RASGRP2: variants seen among roughly 807,000 people sequenced by gnomAD.
RASGRP2 encodes RAS guanyl releasing protein 2.
Under a neutral mutation model 71.0 loss-of-function variants are expected in RASGRP2, and 44 were observed. The observed-to-expected ratio is 0.62, with a 90% CI of 0.49 to 0.80. The LOEUF (loss-of-function observed/expected upper bound fraction) is 0.80, where lower values mean the gene tolerates loss of function less well. Ranked by LOEUF, RASGRP2 falls within the 30% of genes least tolerant of loss-of-function variation. The pLI, the probability that RASGRP2 is intolerant of heterozygous loss-of-function variation, is 0.00. For synonymous variants in RASGRP2, 350 were observed against 330.7 expected (o/e 1.06, Z -0.63); for missense variants, 663 against 813.4 (o/e 0.82, Z 2.25).
chr11:64,729,729 T>C (rs1160831849), intron 14 of RASGRP2, 33 bp downstream of exon 14: 1 of 1,609,488 alleles, frequency 6.2e-7, no homozygotes, highest in Non-Finnish European at 8.5e-7. Flanking sequence ...AAAAAAACAC[T>C]GCCCAGCAGC....
At chr11:64,734,258 G>T (rs1311472959) in intron 12 of RASGRP2, among the ~76,000 whole-genome samples, 1 of 151,706 alleles carries the variant, frequency 6.6e-6, no homozygotes, top group African/African-American at 2.4e-5. Context: ...GTTGCAGCGA[G>T]CCGAGATTGT....
chr11:64,731,371 AAAAAG>A (rs913949998), intron 12 of RASGRP2, among the ~76,000 whole-genome samples: 3 of 151,814 alleles, frequency 2.0e-5, no homozygotes, highest in African/African-American at 4.8e-5. Context: ...AAAAAAAAAA[AAAAAG>A]AAAAGATATA....
intron 14 of RASGRP2, 107 bp downstream of exon 14, chr11:64,729,655 G>A (rs2057695301): frequency 1.5e-6 from 2 of 1,375,624 alleles, no homozygotes; most frequent in African/African-American, 1.4e-5. Context: ...CTGATTTTAA[G>A]GTACTTCACT....
intron 14 of RASGRP2, 53 bp downstream of exon 14, chr11:64,729,709 C>G (rs1267728796): frequency 1.9e-6 from 3 of 1,592,462 alleles, no homozygotes; most frequent in East Asian, 4.5e-5. Flanking sequence ...CCCAAACAAA[C>G]AAACAAAAAA....
Position 64,735,278 on chromosome 11 carries a change from G to C in RASGRP2, c.1297-51C>G. ...AGCCAGAAGAGGGGAGAGTAAAGGG[G>C]ACATCAGGTCCTGTCCCTTCCCACG... On this transcript the variant is annotated intron_variant, in intron 11 of 16. Transcript: ENST00000394432. The surrounding 1 kb of genome is among the most constrained non-coding windows in gnomAD (Gnocchi z 4.2). 6.8e-7 allele frequency: 1 copy of C among 1,465,084 alleles called. No homozygotes were observed. Among genetic ancestry groups the C allele is most frequent in the Non-Finnish European group, 9.6e-7 (1 of 1,045,648 alleles). The allele number at this position is 1,465,084 out of a possible 1,614,324, so 90.8% of individuals were successfully genotyped here.
chr11:64,728,835 A>T, intron 15 of RASGRP2, 28 bp downstream of exon 15: 2 of 1,570,152 alleles, frequency 1.3e-6, no homozygotes, highest in Non-Finnish European at 1.7e-6. Flanking sequence ...TTCCCTCCAC[A>T]GGCCAGTACA....
At chr11:64,728,729 G>T in intron 15 of RASGRP2, 134 bp downstream of exon 15, 1 of 1,050,522 alleles carries the variant, frequency 9.5e-7, no homozygotes, top group Non-Finnish European at 1.3e-6. Flanking sequence ...CACCGCGCCC[G>T]GCCTGTCCCT....
At chr11:64,744,884 CGCGCCA>C (rs1478678199), upstream of RASGRP2, 1 of 145,526 alleles carries the variant, frequency 6.9e-6, no homozygotes, top group Non-Finnish European at 1.5e-5. Flanking sequence ...CCCCCGCCCC[CGCGCCA>C]GGCTGCCCCC....
chr11:64,742,767 C>A lies in RASGRP2; in HGVS notation c.73+27G>T. The A allele has an allele frequency of 1.3e-6, 2 of 1,588,978 alleles. No individual in the cohort carries two copies. The highest frequency in any genetic ancestry group is 1.7e-6 in the Non-Finnish European group (2 of 1,169,034). On this transcript the variant is annotated intron_variant, in intron 2 of 16. Transcript: ENST00000394432. The surrounding 1 kb of genome is among the most constrained non-coding windows in gnomAD (Gnocchi z 4.7). ...GCTCAGACTCGGGGCTAGGCTCAGG[C>A]TCCGTGTGCCCTCCCGAGCCACTCA...
rs1565494571 is a variant in RASGRP2 at position 64,726,987 on chromosome 11, A to G, written c.*151T>C. 1.0e-5 allele frequency: 4 copies of G among 398,234 alleles called. No individual in the cohort carries two copies. The highest frequency in any genetic ancestry group is 1.4e-5 in the Non-Finnish European group (3 of 208,774). The allele number at this position is 398,234 out of a possible 1,614,324, so 24.7% of individuals were successfully genotyped here. ...CACAAGAGTCTGTACAACCTTAGGG[A>G]CACCAGCCCTGGCCCTGCCCTCAGC... On this transcript the variant is annotated 3_prime_UTR_variant, in exon 17 of 17. Transcript: ENST00000394432.
At chr11:64,744,840 T>C (rs1246799025), upstream of RASGRP2, 1 of 141,260 alleles carries the variant, frequency 7.1e-6, no homozygotes, top group Non-Finnish European at 1.6e-5. Context: ...TCCCGCCCGC[T>C]CTCCACGCCG....
At position 64,735,507 on chromosome 11, in the gene RASGRP2, TC is replaced by T. The variant is rs772302182; in HGVS notation, c.1296+34del. 4 of 1,613,322 alleles carry T rather than the reference TC, an allele frequency of 2.5e-6. No homozygotes were observed. The highest frequency in any genetic ancestry group is 2.5e-6 in the Non-Finnish European group (3 of 1,180,016). On this transcript the variant is annotated intron_variant, in intron 11 of 16. Coordinates refer to ENST00000394432, the MANE Select transcript of RASGRP2 (RefSeq NM_001098671.2). The surrounding 1 kb of genome is among the most constrained non-coding windows in gnomAD (Gnocchi z 4.2). ...GGCAGTGCTCCGGCAAACTGGCCTC[TC>T]CCCACACACTGCTCAGGCTCCGCAG... is the stretch of plus-strand genomic sequence containing the variant.
At chr11:64,729,456 C>T (rs1274220783) in intron 14 of RASGRP2, among the ~76,000 whole-genome samples, 1 of 151,986 alleles carries the variant, frequency 6.6e-6, no homozygotes, top group Non-Finnish European at 1.5e-5. Flanking sequence ...CATGCCTCAG[C>T]CTCCCAAGTA....
chr11:64,732,578 G>A (rs2135742122), intron 12 of RASGRP2, among the ~76,000 whole-genome samples: 1 of 152,300 alleles, frequency 6.6e-6, no homozygotes, highest in African/African-American at 2.4e-5. Flanking sequence ...TGGATCACGA[G>A]GTCTGGAGGT....
intron 12 of RASGRP2, among the ~76,000 whole-genome samples, chr11:64,731,359 GAAA>G (rs542490938): frequency 1.1e-5 from 1 of 89,964 alleles, no homozygotes; most frequent in Admixed American, 1.3e-4. Flanking sequence ...CCCTGTCTCA[GAAA>G]AAAAAAAAAA....
chr11:64,742,761 C>A lies in RASGRP2; in HGVS notation c.73+33G>T. 6.3e-7 allele frequency: 1 copy of A among 1,584,852 alleles called. No homozygotes were observed. The highest frequency in any genetic ancestry group is 8.6e-7 in the Non-Finnish European group (1 of 1,166,726). On this transcript the variant is annotated intron_variant, in intron 2 of 16. Coordinates refer to ENST00000394432, the MANE Select transcript of RASGRP2 (RefSeq NM_001098671.2). This position sits in a 1 kb window ranked among gnomAD's most constrained non-coding sequence, Gnocchi z 4.7. ...ACCCGGGCTCAGACTCGGGGCTAGG[C>A]TCAGGCTCCGTGTGCCCTCCCGAGC...
In RASGRP2 at chr11:64,743,651, C is replaced by A; in HGVS notation, c.-72+352G>T. 1 of 419,732 alleles carries A rather than the reference C, an allele frequency of 2.4e-6. No individual in the cohort carries two copies. Among genetic ancestry groups the A allele is most frequent in the Non-Finnish European group, 4.7e-6 (1 of 211,378 alleles). 26.0% of individuals were successfully genotyped at this position (419,732 alleles called of 1,614,324 possible). On this transcript the variant is annotated intron_variant, in intron 1 of 16. Coordinates refer to ENST00000394432, the MANE Select transcript of RASGRP2 (RefSeq NM_001098671.2). The surrounding 1 kb of genome is among the most constrained non-coding windows in gnomAD (Gnocchi z 4.9). ...GGTCCCGGCTCAGCTTGTCCACAGG[C>A]CCTCTTCCTCCCTATCCCCGGCTCC...
In RASGRP2 at chr11:64,736,754, G is replaced by A. The variant is rs780100580; in HGVS notation, c.1094C>T (p.Thr365Met). 1.5e-5 allele frequency: 23 copies of A among 1,582,054 alleles called. No individual in the cohort carries two copies. The highest frequency in any genetic ancestry group is 9.4e-5 in the African/African-American group (7 of 74,190). The change falls in exon 9 of 17, where the codon ACG becomes ATG. Residue 365 changes from threonine to methionine, a missense_variant and splice_region_variant. Thr to Met is a moderately conservative substitution (Grantham distance 81). Coordinates refer to ENST00000394432, the MANE Select transcript of RASGRP2 (RefSeq NM_001098671.2). ...ACCTCCCTGCCCCCTGCTCCTCACC[G>A]TGAGCAGGCTCAGCAGGTCGGGGTT... The part of the protein sequence containing the change: ...QANPDLLSLL[T>M]VSLDQYQTED...
rs1407285647 is a variant in RASGRP2, at chr11:64,742,130, A to C, written c.74-18T>G. On this transcript the variant is annotated intron_variant, in intron 2 of 16. Coordinates refer to ENST00000394432, the MANE Select transcript of RASGRP2 (RefSeq NM_001098671.2). This position sits in a 1 kb window ranked among gnomAD's most constrained non-coding sequence, Gnocchi z 4.7. The stretch of plus-strand genomic sequence containing the variant: ...GGAGTCATCTGACTCCGAAGGGTCA[A>C]AGACAGGTGGCTGAGCTGGGTCCGC... 1.3e-6 allele frequency: 2 copies of C among 1,563,066 alleles called. No homozygotes were observed. The highest frequency in any genetic ancestry group is 2.3e-5 in the South Asian group (2 of 85,498).
Sources: gnomAD v4.1 joint callset for allele counts (sites outside exome capture counted in the v4.1 genomes callset) on GRCh38, gnomAD v4.1.1 for gene constraint, Gnocchi (gnomAD v3.1) non-coding constraint, MANE v1.5 for transcripts, NCBI Gene and HGNC (gene_info 2026-07-23, HGNC 2026-07-21) for gene names.